Variants in PIK3C2A observed in about 807,000 individuals in gnomAD.
PIK3C2A encodes phosphatidylinositol 4-phosphate 3-kinase C2 domain-containing subunit alpha.
A neutral mutation model predicts 204.5 loss-of-function variants in PIK3C2A; 97 were observed. That is an observed-to-expected ratio of 0.47 (90% CI 0.40 to 0.56). The LOEUF (loss-of-function observed/expected upper bound fraction) is 0.56. PIK3C2A is among the 20% of genes least tolerant of loss of function. The probability of loss-of-function intolerance (pLI) is 0.00; values close to 1 mark genes in which losing one functional copy is unlikely to be tolerated. For missense variants in PIK3C2A, 1,735 were observed against 1,969.2 expected (o/e 0.88, Z 2.25); for synonymous variants, 653 against 664.4 (o/e 0.98, Z 0.26).
At chr11:17,178,993 T>C (rs1018935465) in intron 1 of PIK3C2A, among the ~76,000 whole-genome samples, 2 of 150,228 alleles carry the variant, frequency 1.3e-5, no homozygotes, top group Admixed American at 1.3e-4. Context: ...CCTCCCAAAG[T>C]GCTGGGATTA....
At chr11:17,154,048 G>A (rs1850504473) in intron 3 of PIK3C2A, among the ~76,000 whole-genome samples, 1 of 152,148 alleles carries the variant, frequency 6.6e-6, no homozygotes, top group African/African-American at 2.4e-5. Flanking sequence ...TCTCTCTTTA[G>A]TCCATTTGCA....
chr11:17,150,486 C>T lies in PIK3C2A; in HGVS notation c.1327+12G>A, dbSNP rs374749940. On this transcript the variant is annotated intron_variant, in intron 4 of 32. Coordinates refer to ENST00000691414, the MANE Select transcript of PIK3C2A (RefSeq NM_002645.4). Reference sequence around the variant, plus strand: ...AGAGCAAAACGAGAGGCTTGAGGAACCATAAACCTACCATCACACGTAAAA... The same window carrying T: ...AGAGCAAAACGAGAGGCTTGAGGAATCATAAACCTACCATCACACGTAAAA... 311 of 1,591,882 alleles carry T rather than the reference C, an allele frequency of 2.0e-4. No individual in the cohort carries two copies. The highest frequency in any genetic ancestry group is 2.6e-4 in the Non-Finnish European group (304 of 1,170,570).
intron 1 of PIK3C2A, among the ~76,000 whole-genome samples, chr11:17,171,300 GT>G (rs1851150873): frequency 6.6e-6 from 1 of 152,066 alleles, no homozygotes; most frequent in African/African-American, 2.4e-5. Context: ...ATCTAATCTG[GT>G]TTGTGATACA....
chr11:17,091,340 A>G lies in PIK3C2A; in HGVS notation c.4872T>C (p.Asn1624=). ...AGAAATGATTTTAACTTACCATTTC[A>G]TTGAATGTCGGATTCCTCGTTTTTC... is the stretch of plus-strand genomic sequence containing the variant. ...ISRKTRNPTF[N]EMLVYSGYSK... Residue 1624 remains asparagine, a synonymous_variant, in exon 32 of 33, where the codon AAT becomes AAC. Coordinates refer to ENST00000691414, the MANE Select transcript of PIK3C2A (RefSeq NM_002645.4). The G allele has an allele frequency of 6.2e-7, 1 of 1,609,650 alleles. No homozygotes were observed. Among genetic ancestry groups the G allele is most frequent in the Non-Finnish European group, 8.5e-7 (1 of 1,178,656 alleles).
intron 23 of PIK3C2A, 74 bp from the exon 24 acceptor site, chr11:17,102,905 T>A: frequency 1.1e-6 from 1 of 927,910 alleles, no homozygotes; most frequent in Non-Finnish European, 1.6e-6. Context: ...AATAGTAAAG[T>A]AATTTATCAC....
intron 1 of PIK3C2A, among the ~76,000 whole-genome samples, chr11:17,176,916 T>C (rs1277129141): frequency 6.6e-6 from 1 of 152,232 alleles, no homozygotes; most frequent in Non-Finnish European, 1.5e-5. Flanking sequence ...AGATACTATA[T>C]GCCAAACATT....
chr11:17,136,616 G>A lies in PIK3C2A; in HGVS notation c.1714C>T (p.Arg572Ter). ...GCTTTAATTACTTGATCTACTGCTC[G>A]GTGTTGGTTCTTTAAAAATAAAAAA... ...ELALQIENQH[R>*]AVDQVIKAVR... Residue 572 changes from arginine to a stop codon, truncating the protein, a stop_gained, in exon 9 of 33, where the codon CGA (arginine) becomes TGA (stop). Transcript: ENST00000691414. LOFTEE classifies it high-confidence loss of function. 6.4e-7 allele frequency: 1 copy of A among 1,562,552 alleles called. No individual in the cohort carries two copies. Among genetic ancestry groups the A allele is most frequent in the Non-Finnish European group, 8.7e-7 (1 of 1,149,044 alleles).
chr11:17,118,777 C>A, intron 17 of PIK3C2A, 38 bp from the exon 18 acceptor site: 4 of 961,938 alleles, frequency 4.2e-6, no homozygotes, highest in Non-Finnish European at 6.6e-6. Flanking sequence ...AGTGGTCTAA[C>A]CCATACTAAA....
chr11:17,132,812 A>C (rs1393860036), intron 11 of PIK3C2A, among the ~76,000 whole-genome samples: 7 of 152,182 alleles, frequency 4.6e-5, no homozygotes, highest in Non-Finnish European at 5.9e-5. Context: ...GCATCAAGCC[A>C]ATCTTCCTAG....
chr11:17,157,203 G>C (rs1280533774), intron 2 of PIK3C2A, among the ~76,000 whole-genome samples: 1 of 152,012 alleles, frequency 6.6e-6, no homozygotes, highest in African/African-American at 2.4e-5. Context: ...GAAGTTAAAA[G>C]TACAGTACCA....
chr11:17,204,445 G>C (rs1257368207), intron 1 of PIK3C2A: 1 of 152,178 alleles, frequency 6.6e-6, no homozygotes, highest in Non-Finnish European at 1.5e-5. Flanking sequence ...GATAGAAGCA[G>C]AGCAGGGCCT....
At chr11:17,132,804 A>G (rs1849743315) in intron 11 of PIK3C2A, among the ~76,000 whole-genome samples, 1 of 152,198 alleles carries the variant, frequency 6.6e-6, no homozygotes, top group African/African-American at 2.4e-5. Context: ...CCTGACTTGC[A>G]TCAAGCCAAT....
chr11:17,170,759 T>C (rs1851128927), intron 1 of PIK3C2A, among the ~76,000 whole-genome samples: 1 of 152,052 alleles, frequency 6.6e-6, no homozygotes, highest in Non-Finnish European at 1.5e-5. Flanking sequence ...CTAATCAATA[T>C]GATAAAAGGG....
intron 1 of PIK3C2A, among the ~76,000 whole-genome samples, chr11:17,189,156 A>T (rs900105608): frequency 6.8e-6 from 1 of 147,222 alleles, no homozygotes; most frequent in Non-Finnish European, 1.5e-5. Context: ...ATTTGGACCC[A>T]GTGGTAAACT....
At chr11:17,173,665 A>C (rs1271130659) in intron 1 of PIK3C2A, among the ~76,000 whole-genome samples, 1 of 152,226 alleles carries the variant, frequency 6.6e-6, no homozygotes, top group Non-Finnish European at 1.5e-5. Flanking sequence ...AGAATCTGTG[A>C]ACCTATGTGT....
rs562601196 is a variant in PIK3C2A at position 17,128,268 on chromosome 11, A to C, written c.2399+1032T>G. 1.3e-4 allele frequency among the ~76,000 whole-genome samples: 17 copies of C among 135,334 alleles called. No homozygotes were observed. In the South Asian group the frequency reaches 3.5e-3, roughly 28 times the overall value. The allele number at this position is 135,334 out of a possible 152,430, so 88.8% of individuals were successfully genotyped here. A position where few individuals can be genotyped will look rare whatever the true frequency, so the allele number is the denominator to read the frequency against. On this transcript the variant is annotated intron_variant, in intron 13 of 32. Transcript: ENST00000691414. The stretch of plus-strand genomic sequence containing the variant: ...TTTAATTTTTCTTTTAGAACTTTAG[A>C]GATGCTTTTTTTTTTTTTTGGCGGG...
At chr11:17,115,446 C>A (rs1437222018) in intron 19 of PIK3C2A, among the ~76,000 whole-genome samples, 3 of 145,620 alleles carry the variant, frequency 2.1e-5, no homozygotes, top group South Asian at 4.3e-4. Context: ...GAGGCTGAAG[C>A]GAGAAGATCA....
In PIK3C2A at chr11:17,161,577, A is replaced by G. The variant is rs533567733; in HGVS notation, c.1066-5948T>C. On this transcript the variant is annotated intron_variant, in intron 2 of 32. Transcript: ENST00000691414. ...CCTGATTTAAACTTAAATTTCCAGA[A>G]GACAGTTTTAAGTATTATGTCTTTT... Among the ~76,000 whole-genome samples the G allele has an allele frequency of 2.6e-5, 4 of 152,334 alleles. No individual in the cohort carries two copies. The South Asian group carries it at 8.3e-4, about 32-fold the overall frequency.
At chr11:17,140,351 TCATA>T (rs1290406788) in intron 8 of PIK3C2A, among the ~76,000 whole-genome samples, 1 of 152,182 alleles carries the variant, frequency 6.6e-6, no homozygotes, top group Non-Finnish European at 1.5e-5. Context: ...ATCCATGGGC[TCATA>T]CATAAATGTT....
Sources: allele counts gnomAD v4.1 joint callset (sites outside exome capture counted in the v4.1 genomes callset), GRCh38; gene constraint gnomAD v4.1.1; transcripts MANE v1.5; gene names NCBI Gene and HGNC (gene_info 2026-07-23, HGNC 2026-07-21).